CRMP1: variants seen among roughly 807,000 people sequenced by gnomAD.
CRMP1 encodes the protein collapsin response mediator protein 1, also known as dihydropyrimidinase-related protein 1.
In CRMP1, 19 loss-of-function variants were observed where a neutral mutation model predicts 68.3. The ratio of observed to expected loss-of-function variants is 0.28; its 90% CI spans 0.19 to 0.41. The LOEUF (loss-of-function observed/expected upper bound fraction) is 0.41, where lower values mean the gene tolerates loss of function less well. Ranked by LOEUF, CRMP1 falls within the 10% of genes least tolerant of loss-of-function variation. The pLI is 1.00. For missense variants in CRMP1, 791 were observed against 967.4 expected, an observed-to-expected ratio of 0.82 and a Z score of 2.42; for synonymous variants, 439 against 399.6, an observed-to-expected ratio of 1.10 and a Z score of -1.18.
intron 12 of CRMP1, 146 bp downstream of exon 12, chr4:5,828,343 C>T (rs538408468): frequency 1.5e-5 from 21 of 1,426,206 alleles, no homozygotes; most frequent in Middle Eastern, 2.6e-4. Context: ...CCCAGGCCAG[C>T]GTCTCAACCC....
chr4:5,839,074 G>A (rs1720917046), intron 9 of CRMP1, among the ~76,000 whole-genome samples: 1 of 152,214 alleles, frequency 6.6e-6, no homozygotes, highest in Admixed American at 6.5e-5. Context: ...GGCCACTTCT[G>A]GAGCACTCGG....
In CRMP1 at chr4:5,883,423, C is replaced by T. The variant is rs889534436; in HGVS notation, c.381+9166G>A. Among the ~76,000 whole-genome samples, 13 of 152,090 alleles carry T rather than the reference C, an allele frequency of 8.5e-5. No individual in the cohort carries two copies. Among genetic ancestry groups the T allele is most frequent in the African/African-American group, 3.1e-4 (13 of 41,404 alleles). On this transcript the variant is annotated intron_variant, in intron 1 of 13. Transcript: ENST00000324989. The surrounding 1 kb of genome is among the most constrained non-coding windows in gnomAD (Gnocchi z 4.5). ...CAAGCAATTTCTCCTGCCTCAGCCT[C>T]CCGAATAGCTGGGATTACAGGTGCC...
intron 2 of CRMP1, among the ~76,000 whole-genome samples, chr4:5,863,971 C>T (rs545223990): frequency 5.3e-5 from 8 of 152,310 alleles, no homozygotes; most frequent in African/African-American, 7.2e-5. Context: ...ACTGCCAACA[C>T]GCAGAGAGCT....
intron 13 of CRMP1, chr4:5,824,417 C>T: frequency 2.0e-6 from 2 of 985,408 alleles, no homozygotes; most frequent in East Asian, 2.3e-4. Context: ...GGCATAATCA[C>T]TGAATCAGAC....
At position 5,841,360 on chromosome 4, in the gene CRMP1, G is replaced by C. The variant is rs771360213; in HGVS notation, c.1101C>G (p.Thr367=). ...CGGCTGCACTCTTGCTCATGACCTT[G>C]GTGATGTACACAGGGCAGTTGATCC... ...AGRINCPVYI[T]KVMSKSAADI... is the part of the protein sequence containing the mutation. Residue 367 remains threonine, a synonymous_variant, in exon 8 of 14, where the codon ACC becomes ACG. Coordinates refer to ENST00000324989, the MANE Select transcript of CRMP1 (RefSeq NM_001014809.3). The surrounding 1 kb of genome is among the most constrained non-coding windows in gnomAD (Gnocchi z 6.9). 1 of 1,614,118 alleles carries C rather than the reference G, an allele frequency of 6.2e-7. No individual in the cohort carries two copies. Among genetic ancestry groups the C allele is most frequent in the Non-Finnish European group, 8.5e-7 (1 of 1,180,034 alleles).
chr4:5,831,885 C>T (rs1314174072), intron 11 of CRMP1, among the ~76,000 whole-genome samples: 1 of 152,208 alleles, frequency 6.6e-6, no homozygotes, highest in East Asian at 1.9e-4. Context: ...TTTCCCTGGT[C>T]CCCTCCAGGG....
rs1720877346 is a variant in CRMP1, at chr4:5,838,524, A to G, written c.1310+998T>C. On this transcript the variant is annotated intron_variant, in intron 9 of 13. Transcript: ENST00000324989. This position sits in a 1 kb window ranked among gnomAD's most constrained non-coding sequence, Gnocchi z 4.9. ...TGGTGGCCTGAGCCAGGATGGCCAC[A>G]GCAGACAGGTGAGGCGTTGTCAGAC... Among the ~76,000 whole-genome samples, 1 of 152,206 alleles carries G rather than the reference A, an allele frequency of 6.6e-6. No homozygotes were observed. Among genetic ancestry groups the G allele is most frequent in the Admixed American group, 6.5e-5 (1 of 15,290 alleles).
At chr4:5,851,570 G>T (rs1712621729) in intron 4 of CRMP1, 101 bp from the exon 5 acceptor site, 1 of 1,181,246 alleles carries the variant, frequency 8.5e-7, no homozygotes. Context: ...TAGTCGCCAG[G>T]AGAGATGAGT....
At chr4:5,856,857 CCCACCATCATCACCATCACCACCA>C (rs1560505603) in intron 3 of CRMP1, among the ~76,000 whole-genome samples, 8 of 129,710 alleles carry the variant, frequency 6.2e-5, no homozygotes, top group South Asian at 5.1e-4. Context: ...TCATTGTCAC[CCCACCATCATCACCATCACCACCA>C]CCACCACCAT....
At chr4:5,873,367 A>C (rs2152471863) in intron 1 of CRMP1, among the ~76,000 whole-genome samples, 1 of 152,308 alleles carries the variant, frequency 6.6e-6, no homozygotes, top group Non-Finnish European at 1.5e-5. Context: ...CCATAAAGAA[A>C]TGCCTGAGAC....
chr4:5,848,425 T>C (rs1250688483), intron 6 of CRMP1, among the ~76,000 whole-genome samples: 1 of 152,204 alleles, frequency 6.6e-6, no homozygotes, highest in Non-Finnish European at 1.5e-5. Context: ...ACTCTTGGCC[T>C]CAAGTGATCA....
At chr4:5,828,807 CTG>C (rs10649742) in intron 11 of CRMP1, 139 bp from the exon 12 acceptor site, 4 of 1,062,170 alleles carry the variant, frequency 3.8e-6, no homozygotes, top group African/African-American at 3.3e-5. Context: ...CTTTTATTGA[CTG>C]TAATATTCCA....
Position 5,821,292 on chromosome 4 carries a change from C to CCTG in CRMP1, c.*467_*468insCAG, listed in dbSNP as rs1718501285. On this transcript the variant is annotated 3_prime_UTR_variant, in exon 14 of 14. Transcript: ENST00000324989. This position sits in a 1 kb window ranked among gnomAD's most constrained non-coding sequence, Gnocchi z 4.4. ...CACTGTAAGGGTTTTGGGACTGCCCCTCAGGGCTTGAGGTCTCGGCATCGT... is the reference window on the plus strand; with the variant it reads ...CACTGTAAGGGTTTTGGGACTGCCCCCTGTCAGGGCTTGAGGTCTCGGCATCGT... 6.3e-6 allele frequency: 1 copy of CCTG among 157,528 alleles called. No homozygotes were observed. The highest frequency in any genetic ancestry group is 1.4e-5 in the Non-Finnish European group (1 of 71,228). 9.8% of individuals were successfully genotyped at this position (157,528 alleles called of 1,614,324 possible). A position where few individuals can be genotyped will look rare whatever the true frequency, so the allele number is the denominator to read the frequency against.
At chr4:5,869,339 G>A (rs1714268637) in intron 1 of CRMP1, among the ~76,000 whole-genome samples, 1 of 152,118 alleles carries the variant, frequency 6.6e-6, no homozygotes, top group South Asian at 2.1e-4. Context: ...ATGTGGTGAC[G>A]AAGAAGACAC....
In CRMP1 at chr4:5,892,481, G is replaced by C. The variant is rs1577859825; in HGVS notation, c.381+108C>G. 9.3e-7 allele frequency: 1 copy of C among 1,073,172 alleles called. No homozygotes were observed. The highest frequency in any genetic ancestry group is 1.1e-6 in the Non-Finnish European group (1 of 871,636). 66.5% of individuals were successfully genotyped at this position (1,073,172 alleles called of 1,614,324 possible). A position where few individuals can be genotyped will look rare whatever the true frequency, so the allele number is the denominator to read the frequency against. ...GCGCCGTGGCTCTCCCCAGCCTGGC[G>C]GCCGCTGCCCCAACACCGGGGCCCG... is the stretch of plus-strand genomic sequence containing the variant. On this transcript the variant is annotated intron_variant, in intron 1 of 13. Transcript: ENST00000324989. This position sits in a 1 kb window ranked among gnomAD's most constrained non-coding sequence, Gnocchi z 8.6.
chr4:5,825,152 CTT>C lies in CRMP1; in HGVS notation c.1969+340_1969+341del, dbSNP rs141080592. 5.4e-3 allele frequency: 5,329 copies of C among 985,418 alleles called. 18 individuals carry two copies. Among genetic ancestry groups the C allele is most frequent in the Middle Eastern group, 0.012 (23 of 1,914 alleles). The allele number at this position is 985,418 out of a possible 1,614,324, so 61.0% of individuals were successfully genotyped here. A position where few individuals can be genotyped will look rare whatever the true frequency, so the allele number is the denominator to read the frequency against. On this transcript the variant is annotated intron_variant, in intron 13 of 13. Coordinates refer to ENST00000324989, the MANE Select transcript of CRMP1 (RefSeq NM_001014809.3). The surrounding 1 kb of genome is among the most constrained non-coding windows in gnomAD (Gnocchi z 4.4). ...CTGCAAATGGCAGCTACTCCCATCT[CTT>C]GTTCATCCCCACCACTCCATGTTTA...
At position 5,838,249 on chromosome 4, in the gene CRMP1, G is replaced by A. The variant is rs546479383; in HGVS notation, c.1310+1273C>T. Among the ~76,000 whole-genome samples the A allele has an allele frequency of 6.6e-6, 1 of 152,286 alleles. No individual in the cohort carries two copies. Among genetic ancestry groups the A allele is most frequent in the African/African-American group, 2.4e-5 (1 of 41,558 alleles). On this transcript the variant is annotated intron_variant, in intron 9 of 13. Transcript: ENST00000324989. This position sits in a 1 kb window ranked among gnomAD's most constrained non-coding sequence, Gnocchi z 4.9. ...GGGTTCAGGGTCAGCATGAAGCTGG[G>A]ACTGGACCGAGGGAGCCAAGGGCAG...
chr4:5,829,545 T>C (rs936395621), intron 11 of CRMP1, among the ~76,000 whole-genome samples: 2 of 152,222 alleles, frequency 1.3e-5, no homozygotes, highest in Non-Finnish European at 2.9e-5. Flanking sequence ...AAAAAGATAT[T>C]GGATAGAAAG....
In CRMP1 at chr4:5,841,721, G is replaced by A. The variant is rs1181759762; in HGVS notation, c.1033-293C>T. ...AACATACAGCTCGTGGCCATCCCTG[G>A]GCTGTGGAGCTCATGAAGAGCACTG... On this transcript the variant is annotated intron_variant, in intron 7 of 13. Coordinates refer to ENST00000324989, the MANE Select transcript of CRMP1 (RefSeq NM_001014809.3). The surrounding 1 kb of genome is among the most constrained non-coding windows in gnomAD (Gnocchi z 6.9). Among the ~76,000 whole-genome samples, 2 of 152,148 alleles carry A rather than the reference G, an allele frequency of 1.3e-5. No individual in the cohort carries two copies. The highest frequency in any genetic ancestry group is 4.2e-4 in the South Asian group (2 of 4,816).
Sources: gnomAD v4.1 joint callset for allele counts (sites outside exome capture counted in the v4.1 genomes callset) on GRCh38, gnomAD v4.1.1 for gene constraint, Gnocchi (gnomAD v3.1) non-coding constraint, MANE v1.5 for transcripts, NCBI Gene and HGNC (gene_info 2026-07-23, HGNC 2026-07-21) for gene names.